Variants in AHI1 observed in about 807,000 individuals in gnomAD.
The protein encoded by AHI1 is Abelson helper integration site 1.
AHI1 carries 123 observed loss-of-function variants against 149.3 expected under a neutral mutation model. The ratio of observed to expected loss-of-function variants is 0.82; its 90% CI spans 0.71 to 0.96. AHI1 has a LOEUF of 0.96. AHI1 is among the 40% of genes least tolerant of loss of function. The pLI is 0.00. For missense variants in AHI1, 1,439 were observed against 1,422.7 expected (o/e 1.01, Z -0.18); for synonymous variants, 475 against 459.8 (o/e 1.03, Z -0.42).
At chr6:135,383,378 T>C (rs1419808480) in intron 23 of AHI1, among the ~76,000 whole-genome samples, 1 of 151,760 alleles carries the variant, frequency 6.6e-6, no homozygotes, top group East Asian at 1.9e-4. Context: ...ACCACAGGCA[T>C]GTGCCACCAC....
chr6:135,427,359 T>A (rs1222403643), intron 19 of AHI1, 52 bp from the exon 20 acceptor site: 4 of 1,469,290 alleles, frequency 2.7e-6, no homozygotes, highest in Non-Finnish European at 3.7e-6. Context: ...TCTGTATCGA[T>A]AAATCTTCTC....
At chr6:135,424,306 A>G (rs1429748636) in intron 20 of AHI1, among the ~76,000 whole-genome samples, 1 of 152,072 alleles carries the variant, frequency 6.6e-6, no homozygotes, top group African/African-American at 2.4e-5. Flanking sequence ...TGCTTAAAAC[A>G]GAACCAGGAA....
At chr6:135,378,463 G>T (rs1776256680) in intron 23 of AHI1, among the ~76,000 whole-genome samples, 1 of 152,154 alleles carries the variant, frequency 6.6e-6, no homozygotes, top group Non-Finnish European at 1.5e-5. Context: ...CTCTAATATG[G>T]ATTGAAGTCT....
At chr6:135,447,224 T>C (rs1173117640) in intron 12 of AHI1, 64 bp from the exon 13 acceptor site, 44 of 1,158,950 alleles carry the variant, frequency 3.8e-5, no homozygotes, top group Non-Finnish European at 4.6e-6. Flanking sequence ...TTCTAGCATA[T>C]AGTTTTTAAA....
At chr6:135,363,041 T>TTTATTA (rs772520434) in intron 23 of AHI1, among the ~76,000 whole-genome samples, 75 of 148,598 alleles carry the variant, frequency 5.0e-4, no homozygotes, top group African/African-American at 1.8e-3. Context: ...TTTATTTTAT[T>TTTATTA]TTATTATTAT....
At chr6:135,461,100 C>A (rs751926661) in intron 8 of AHI1, among the ~76,000 whole-genome samples, 1 of 151,068 alleles carries the variant, frequency 6.6e-6, no homozygotes, top group East Asian at 1.9e-4. Flanking sequence ...TCAAAAGACA[C>A]CAATGAGAGA....
At chr6:135,298,858 C>T (rs9285480) in intron 27 of AHI1, among the ~76,000 whole-genome samples, 30,059 of 151,886 alleles carry the variant, frequency 0.2, 7,687 homozygotes, top group African/African-American at 0.6. Context: ...AAATGTAGAC[C>T]GAGTGAGGAG....
At chr6:135,435,283 A>G (rs1785231303) in intron 15 of AHI1, 1 of 152,192 alleles carries the variant, frequency 6.6e-6, no homozygotes, top group African/African-American at 2.4e-5. Context: ...TTAAAGATAA[A>G]TAAGGAAAAA....
intron 15 of AHI1, among the ~76,000 whole-genome samples, chr6:135,438,132 G>A (rs1319914333): frequency 6.6e-6 from 1 of 151,932 alleles, no homozygotes; most frequent in Non-Finnish European, 1.5e-5. Flanking sequence ...TTTACATAAT[G>A]ATCATTTAAA....
chr6:135,325,751 G>C (rs1237770982), intron 24 of AHI1, among the ~76,000 whole-genome samples: 3 of 152,056 alleles, frequency 2.0e-5, no homozygotes, highest in African/African-American at 7.2e-5. Flanking sequence ...CTTATCCTGG[G>C]TGTGGTACAA....
chr6:135,308,434 C>T (rs1025969105), intron 26 of AHI1, among the ~76,000 whole-genome samples: 1 of 152,152 alleles, frequency 6.6e-6, no homozygotes, highest in Non-Finnish European at 1.5e-5. Flanking sequence ...TGGGGTTTCA[C>T]CATGTTGCCC....
chr6:135,392,729 A>G (rs938082938), intron 23 of AHI1, among the ~76,000 whole-genome samples: 1 of 152,188 alleles, frequency 6.6e-6, no homozygotes, highest in Non-Finnish European at 1.5e-5. Context: ...AGAATCACAG[A>G]ATTTTTAAAG....
chr6:135,449,687 T>TA (rs979786515), intron 11 of AHI1, among the ~76,000 whole-genome samples: 46 of 150,662 alleles, frequency 3.1e-4, no homozygotes, highest in South Asian at 1.1e-3. Flanking sequence ...ACTTGGAAAG[T>TA]AAAAAAAAAC....
chr6:135,456,016 A>T (rs1788885793), intron 9 of AHI1, 90 bp from the exon 10 acceptor site: 1 of 803,350 alleles, frequency 1.2e-6, no homozygotes, highest in African/African-American at 1.8e-5. Context: ...GGCAACCAGA[A>T]ATAATGAATA....
At chr6:135,383,083 G>A (rs12212029) in intron 23 of AHI1, among the ~76,000 whole-genome samples, 174 of 149,168 alleles carry the variant, frequency 1.2e-3, no homozygotes, top group Non-Finnish European at 1.6e-3. Flanking sequence ...TGGAGAAAAA[G>A]ACCTTTTATT....
In AHI1 at chr6:135,492,310, T is replaced by C; in HGVS notation, c.-54-19A>G. The stretch of plus-strand genomic sequence containing the variant: ...CAGGATCCTATCGAAACAAAGGAGA[T>C]GTATTTGTAATATGGAACTTCCAAA... On this transcript the variant is annotated intron_variant, in intron 3 of 28. Coordinates refer to ENST00000265602, the MANE Select transcript of AHI1 (RefSeq NM_001134831.2). 3 of 1,479,566 alleles carry C rather than the reference T, an allele frequency of 2.0e-6. No individual in the cohort carries two copies. The highest frequency in any genetic ancestry group is 2.7e-6 in the Non-Finnish European group (3 of 1,113,854). 91.7% of individuals were successfully genotyped at this position (1,479,566 alleles called of 1,614,324 possible).
chr6:135,405,674 A>G (rs1439965252), intron 21 of AHI1, among the ~76,000 whole-genome samples: 1 of 151,982 alleles, frequency 6.6e-6, no homozygotes, highest in Non-Finnish European at 1.5e-5. Context: ...TCCTGGGCCA[A>G]CGTGGTGAAA....
chr6:135,344,761 T>G (rs1790927717), intron 24 of AHI1, among the ~76,000 whole-genome samples: 1 of 151,868 alleles, frequency 6.6e-6, no homozygotes, highest in South Asian at 2.1e-4. Context: ...TTTCTCTCTC[T>G]CTCTCTTTCT....
chr6:135,334,679 G>A (rs1789103558), intron 24 of AHI1, among the ~76,000 whole-genome samples: 1 of 152,138 alleles, frequency 6.6e-6, no homozygotes, highest in African/African-American at 2.4e-5. Context: ...GAATTCTGCA[G>A]ACCTTTATAC....
Sources: gnomAD v4.1 joint callset for allele counts (sites outside exome capture counted in the v4.1 genomes callset) on GRCh38, gnomAD v4.1.1 for gene constraint, MANE v1.5 for transcripts, NCBI Gene and HGNC (gene_info 2026-07-23, HGNC 2026-07-21) for gene names.